The following TJP2 variants were observed in gnomAD, a reference collection of about 807,000 sequenced individuals.
TJP2 encodes the protein Friedreich ataxia region gene X104 (tight junction protein ZO-2).
Under a neutral mutation model 133.1 loss-of-function variants are expected in TJP2, and 91 were observed. The observed-to-expected ratio is 0.68, with a 90% CI of 0.58 to 0.81. The LOEUF (loss-of-function observed/expected upper bound fraction) is 0.81, where lower values mean the gene tolerates loss of function less well. TJP2 is among the 40% of genes least tolerant of loss of function. The pLI, the probability that TJP2 is intolerant of heterozygous loss-of-function variation, is 0.00. For missense variants in TJP2, 1,541 were observed against 1,565.6 expected, an observed-to-expected ratio of 0.98 and a Z score of 0.26; for synonymous variants, 592 against 583.4, an observed-to-expected ratio of 1.01 and a Z score of -0.21.
chr9:69,184,986 G>T (rs1825756798), intron 1 of TJP2, among the ~76,000 whole-genome samples: 1 of 151,940 alleles, frequency 6.6e-6, no homozygotes, highest in African/African-American at 2.4e-5. Flanking sequence ...CTGGGCTCAG[G>T]CGATCCTCCT....
chr9:69,170,456 A>G (rs960081806), upstream of TJP2, among the ~76,000 whole-genome samples: 2 of 152,172 alleles, frequency 1.3e-5, no homozygotes, highest in African/African-American at 4.8e-5. Context: ...ATGTTGATTT[A>G]CTGTAATTTA....
chr9:69,252,888 C>T lies in TJP2; in HGVS notation c.3395C>T (p.Pro1132Leu), dbSNP rs1246546589. 6.2e-7 allele frequency: 1 copy of T among 1,614,168 alleles called. No individual in the cohort carries two copies. The highest frequency in any genetic ancestry group is 8.5e-7 in the Non-Finnish European group (1 of 1,180,032). Residue 1132 changes from proline to leucine, a missense_variant, in exon 22 of 23, where the codon CCC becomes CTC. Physicochemically the swap from Pro to Leu is moderately conservative, Grantham distance 98. Coordinates refer to ENST00000377245, the MANE Select transcript of TJP2 (RefSeq NM_004817.4). Reference protein sequence around the residue: ...IKTHKPDPGTPQHTSSRPPEP... With the variant: ...IKTHKPDPGTLQHTSSRPPEP... The stretch of plus-strand genomic sequence containing the variant: ...ACGCACAAGCCAGACCCTGGCACGC[C>T]CCAGCACACGAGGTAAGGGCTGCCT...
Position 69,212,615 on chromosome 9 carries a change from A to G in TJP2, c.114+14A>G, listed in dbSNP as rs776012190. ...ACCCTACAAAAGGTGAGTTCTGCAC[A>G]TTTCATATATTCTACAGTCATGTTC... On this transcript the variant is annotated intron_variant, in intron 2 of 22. Coordinates refer to ENST00000377245, the MANE Select transcript of TJP2 (RefSeq NM_004817.4). The G allele has an allele frequency of 1.9e-6, 3 of 1,586,340 alleles. No individual in the cohort carries two copies. The highest frequency in any genetic ancestry group is 1.1e-5 in the South Asian group (1 of 90,492).
Position 69,221,492 on chromosome 9 carries a change from C to T in TJP2, c.948C>T (p.Asn316=). ...IGVLLMKSRA[N]EEYGLRLGSQ... The stretch of plus-strand genomic sequence containing the variant: ...TCCTCCTGATGAAAAGCAGAGCGAA[C>T]GAAGGTAGGCATGCTTGATGTGGGA... The change falls in exon 5 of 23, where the codon AAC becomes AAT. Residue 316 remains asparagine, a synonymous_variant. Coordinates refer to ENST00000377245, the MANE Select transcript of TJP2 (RefSeq NM_004817.4). The T allele has an allele frequency of 6.2e-7, 1 of 1,602,966 alleles. No individual in the cohort carries two copies. Among genetic ancestry groups the T allele is most frequent in the Middle Eastern group, 1.7e-4 (1 of 6,046 alleles).
At chr9:69,204,314 C>T (rs1258231200) in intron 1 of TJP2, among the ~76,000 whole-genome samples, 1 of 152,226 alleles carries the variant, frequency 6.6e-6, no homozygotes, top group Non-Finnish European at 1.5e-5. Context: ...TTTGGCCAAG[C>T]CCATTGGCAT....
intron 1 of TJP2, among the ~76,000 whole-genome samples, chr9:69,209,146 C>CT (rs1484091572): frequency 2.0e-5 from 3 of 152,022 alleles, no homozygotes; most frequent in Non-Finnish European, 4.4e-5. Flanking sequence ...TTTTTCTTTT[C>CT]TTTCTTTATT....
intron 1 of TJP2, among the ~76,000 whole-genome samples, chr9:69,174,991 T>A (rs1158835997): frequency 6.6e-6 from 1 of 152,110 alleles, no homozygotes; most frequent in Non-Finnish European, 1.5e-5. Context: ...ATGAATGCTT[T>A]GTATTCTAGT....
At chr9:69,225,940 A>G in intron 6 of TJP2, 82 bp from the exon 7 acceptor site, 2 of 1,469,372 alleles carry the variant, frequency 1.4e-6, no homozygotes, top group South Asian at 2.3e-5. Context: ...CAAAGCCTTT[A>G]CATTTTTAGA....
intron 1 of TJP2, among the ~76,000 whole-genome samples, chr9:69,123,153 G>GCTTTACATTTCCATCCGGTTATGTA (rs1251813584): frequency 6.6e-6 from 1 of 152,184 alleles, no homozygotes; most frequent in African/African-American, 2.4e-5. Context: ...GTCAAGGAGT[G>GCTTTACATTTCCATCCGGTTATGTA]CTTTACATTT....
chr9:69,155,733 T>C (rs1428050635), intron 2 of TJP2, among the ~76,000 whole-genome samples: 1 of 152,238 alleles, frequency 6.6e-6, no homozygotes, highest in Non-Finnish European at 1.5e-5. Flanking sequence ...AGCTTGTCCC[T>C]GGTAGACTTT....
intron 15 of TJP2, 80 bp from the exon 16 acceptor site, chr9:69,238,630 A>G: frequency 9.0e-7 from 1 of 1,109,068 alleles, no homozygotes; most frequent in East Asian, 2.5e-5. Flanking sequence ...GTGTGCCATC[A>G]TTGCTTGATG....
chr9:69,141,130 C>T (rs889541216), intron 1 of TJP2, among the ~76,000 whole-genome samples: 12 of 152,188 alleles, frequency 7.9e-5, no homozygotes, highest in African/African-American at 2.7e-4. Context: ...GGATTACAGG[C>T]GTGAGCCACT....
At chr9:69,235,430 C>G (rs746145340) in intron 12 of TJP2, among the ~76,000 whole-genome samples, 33 of 152,068 alleles carry the variant, frequency 2.2e-4, no homozygotes, top group Non-Finnish European at 4.3e-4. Context: ...TCACCCCATT[C>G]TCCTGCCTCA....
chr9:69,246,608 G>A, intron 17 of TJP2, 82 bp from the exon 18 acceptor site: 1 of 1,163,798 alleles, frequency 8.6e-7, no homozygotes, highest in Non-Finnish European at 1.3e-6. Flanking sequence ...TCACAGAAAT[G>A]AGTGTAAATT....
intron 1 of TJP2, among the ~76,000 whole-genome samples, chr9:69,200,389 T>C (rs960731420): frequency 6.6e-6 from 1 of 151,628 alleles, no homozygotes; most frequent in Non-Finnish European, 1.5e-5. Context: ...TTGTGGTTTT[T>C]TACACCTTTT....
intron 1 of TJP2, among the ~76,000 whole-genome samples, chr9:69,136,182 A>G (rs1017755166): frequency 1.3e-5 from 2 of 152,062 alleles, no homozygotes; most frequent in Admixed American, 6.6e-5. Context: ...GTGTTTTGCA[A>G]TTTCAAATGT....
intron 13 of TJP2, among the ~76,000 whole-genome samples, 168 bp from the exon 14 acceptor site, chr9:69,236,781 C>T (rs1588132745): frequency 6.6e-6 from 1 of 152,146 alleles, no homozygotes. Context: ...TTTTTCTGCT[C>T]CCATTTGGAA....
At chr9:69,203,683 A>G (rs555846442) in intron 1 of TJP2, among the ~76,000 whole-genome samples, 1 of 130,648 alleles carries the variant, frequency 7.7e-6, no homozygotes, top group African/African-American at 2.9e-5. Context: ...GCCCGATCTC[A>G]GGTCACTGCA....
intron 1 of TJP2, 42 bp downstream of exon 1, chr9:69,174,474 G>C (rs1587968506): frequency 2.6e-6 from 4 of 1,532,726 alleles, no homozygotes; most frequent in Non-Finnish European, 3.5e-6. Context: ...GGAGGGTCGT[G>C]AGCGTGAGCG....
Sources: allele counts gnomAD v4.1 joint callset (sites outside exome capture counted in the v4.1 genomes callset), GRCh38; gene constraint gnomAD v4.1.1; transcripts MANE v1.5; gene names NCBI Gene and HGNC (gene_info 2026-07-23, HGNC 2026-07-21).